The following LANCL2 variants were observed in gnomAD, a reference collection of about 807,000 sequenced individuals.
LANCL2 encodes lanC-like protein 2.
In LANCL2, 33 loss-of-function variants were observed where a neutral mutation model predicts 56.9. The ratio of observed to expected loss-of-function variants is 0.58; its 90% CI spans 0.44 to 0.78. LANCL2 has a LOEUF of 0.78. Among genes scored for constraint, LANCL2 ranks in the 30% least tolerant of loss-of-function variants. The pLI is 0.00. For synonymous variants in LANCL2, 233 were observed against 228.2 expected (o/e 1.02, Z -0.19); for missense variants, 562 against 580.2 (o/e 0.97, Z 0.32).
At position 55,398,497 on chromosome 7, in the gene LANCL2, G is replaced by C. The variant is rs367767912; in HGVS notation, c.397G>C (p.Val133Leu). Residue 133 changes from valine (V) to leucine (L), a missense_variant, in exon 3 of 9, where the codon GTA becomes CTA. Transcript: ENST00000254770. Reference sequence around the variant, plus strand: ...CTACCTGCTCCGATCCCTGGATTACGTAAAAAGAACACTTCGGAATCTGAA... The same window carrying C: ...CTACCTGCTCCGATCCCTGGATTACCTAAAAAGAACACTTCGGAATCTGAA... ...QTYLLRSLDY[V>L]KRTLRNLNGR... is the part of the protein sequence containing the mutation. The C allele has an allele frequency of 6.2e-7, 1 of 1,614,174 alleles. No homozygotes were observed. Among genetic ancestry groups the C allele is most frequent in the Admixed American group, 1.7e-5 (1 of 60,028 alleles).
At chr7:55,373,212 T>C (rs1235344614) in intron 1 of LANCL2, among the ~76,000 whole-genome samples, 7 of 152,090 alleles carry the variant, frequency 4.6e-5, no homozygotes, top group African/African-American at 1.4e-4. Context: ...TTAACTTTAC[T>C]GCTTTCTGAG....
At chr7:55,377,001 A>G (rs1790010771) in intron 1 of LANCL2, among the ~76,000 whole-genome samples, 1 of 152,216 alleles carries the variant, frequency 6.6e-6, no homozygotes, top group Non-Finnish European at 1.5e-5. Context: ...ATCATATATG[A>G]AGTTGTTAAT....
chr7:55,409,715 A>ACTCC (rs1357752902), intron 5 of LANCL2, among the ~76,000 whole-genome samples: 7 of 152,192 alleles, frequency 4.6e-5, no homozygotes, highest in Non-Finnish European at 8.8e-5. Context: ...GCCTCCAGGG[A>ACTCC]AAGCAAAGTC....
intron 6 of LANCL2, among the ~76,000 whole-genome samples, chr7:55,422,215 G>A (rs1436161623): frequency 6.6e-6 from 1 of 152,174 alleles, no homozygotes; most frequent in Non-Finnish European, 1.5e-5. Flanking sequence ...TATAGGTTTA[G>A]TGACAACAAA....
Position 55,432,858 on chromosome 7 carries a change from G to T in LANCL2, c.*1538G>T, listed in dbSNP as rs994867654. On this transcript the variant is annotated 3_prime_UTR_variant, in exon 9 of 9. Transcript: ENST00000254770. The stretch of plus-strand genomic sequence containing the variant: ...GTTAGATTGATGACTTCTGTGAATA[G>T]AAATCATCCTGATCCTATTTTACCT... 3 of 152,204 alleles carry T rather than the reference G, an allele frequency of 2.0e-5. No homozygotes were observed. The highest frequency in any genetic ancestry group is 4.4e-5 in the Non-Finnish European group (3 of 68,042). 9.4% of individuals were successfully genotyped at this position (152,204 alleles called of 1,614,324 possible). A position where few individuals can be genotyped will look rare whatever the true frequency, so the allele number is the denominator to read the frequency against.
intron 2 of LANCL2, among the ~76,000 whole-genome samples, chr7:55,392,873 G>C (rs770606257): frequency 2.0e-5 from 3 of 152,082 alleles, no homozygotes; most frequent in Non-Finnish European, 4.4e-5. Context: ...ATTCTTTGCT[G>C]CTCTGGTCAT....
At chr7:55,400,278 T>A (rs966957620) in intron 4 of LANCL2, among the ~76,000 whole-genome samples, 174 bp downstream of exon 4, 2 of 152,226 alleles carry the variant, frequency 1.3e-5, no homozygotes, top group African/African-American at 4.8e-5. Flanking sequence ...AAAAAAAATC[T>A]GTACTCTCTT....
rs555855339 is a variant in LANCL2, at chr7:55,374,379, A to G, written c.204+8150A>G. Among the ~76,000 whole-genome samples the G allele has an allele frequency of 6.6e-4, 100 of 152,320 alleles. 2 individuals carry two copies. The highest frequency in any genetic ancestry group is 4.8e-3 in the South Asian group (23 of 4,822). Reference sequence around the variant, plus strand: ...AACAGAAGCAGACCAGATTATGTAAATCTATGACTATTTTTAGCAGAATGA... The same window carrying G: ...AACAGAAGCAGACCAGATTATGTAAGTCTATGACTATTTTTAGCAGAATGA... On this transcript the variant is annotated intron_variant, in intron 1 of 8. Transcript: ENST00000254770.
rs1263892012 is a variant in LANCL2, at chr7:55,401,946, TAC to T, written c.825+630_825+631del. On this transcript the variant is annotated intron_variant, in intron 5 of 8. Transcript: ENST00000254770. ...AAAGTCTCCCATGTCTACCTCTTTC[TAC>T]ACAGACATGGCAACCATCCGATTTC... 2.2e-5 allele frequency among the ~76,000 whole-genome samples: 3 copies of T among 136,712 alleles called. No individual in the cohort carries two copies. The East Asian group carries it at 6.4e-4, about 29-fold the overall frequency. 89.7% of individuals were successfully genotyped at this position (136,712 alleles called of 152,430 possible). A position where few individuals can be genotyped will look rare whatever the true frequency, so the allele number is the denominator to read the frequency against.
chr7:55,417,360 T>C (rs1267978210), intron 6 of LANCL2, among the ~76,000 whole-genome samples: 1 of 152,314 alleles, frequency 6.6e-6, no homozygotes, highest in African/African-American at 2.4e-5. Context: ...TCCCATTTGA[T>C]TGATTTTGGT....
chr7:55,377,455 C>T (rs1790016091), intron 1 of LANCL2, among the ~76,000 whole-genome samples: 1 of 152,078 alleles, frequency 6.6e-6, no homozygotes, highest in South Asian at 2.1e-4. Context: ...CTTTCTGTCT[C>T]CTTCCCCTAT....
intron 6 of LANCL2, among the ~76,000 whole-genome samples, chr7:55,413,249 C>A (rs1158364805): frequency 6.6e-6 from 1 of 152,182 alleles, no homozygotes; most frequent in Admixed American, 6.5e-5. Context: ...GTTATAACTT[C>A]AGTGTCCTAG....
chr7:55,404,555 G>T (rs1445255749), intron 5 of LANCL2, among the ~76,000 whole-genome samples: 8 of 151,954 alleles, frequency 5.3e-5, no homozygotes, highest in African/African-American at 1.9e-4. Context: ...TTTGTTTATT[G>T]TTGTTGAAAG....
At chr7:55,419,295 C>A (rs1228004670) in intron 6 of LANCL2, among the ~76,000 whole-genome samples, 1 of 147,442 alleles carries the variant, frequency 6.8e-6, no homozygotes, top group Non-Finnish European at 1.5e-5. Flanking sequence ...AATATGTTTT[C>A]TCATTTTATC....
intron 6 of LANCL2, among the ~76,000 whole-genome samples, chr7:55,422,951 A>G (rs1251754098): frequency 1.3e-5 from 2 of 152,222 alleles, no homozygotes; most frequent in Non-Finnish European, 1.5e-5. Flanking sequence ...GCGGTGGAAC[A>G]GGGACTCTAG....
At chr7:55,403,595 AGAGTCTCAC>A (rs1790369834) in intron 5 of LANCL2, among the ~76,000 whole-genome samples, 1 of 124,964 alleles carries the variant, frequency 8.0e-6, no homozygotes, top group African/African-American at 3.1e-5. Flanking sequence ...TTTTTGAGAC[AGAGTCTCAC>A]TCTGTCGCCC....
chr7:55,375,162 C>T (rs1789986639), intron 1 of LANCL2, among the ~76,000 whole-genome samples: 1 of 152,190 alleles, frequency 6.6e-6, no homozygotes, highest in African/African-American at 2.4e-5. Flanking sequence ...AGACTTTTCA[C>T]TCTCCTCTAT....
intron 6 of LANCL2, among the ~76,000 whole-genome samples, chr7:55,419,842 T>C (rs1330065018): frequency 6.6e-6 from 1 of 152,216 alleles, no homozygotes; most frequent in Non-Finnish European, 1.5e-5. Flanking sequence ...TTGATTTTTC[T>C]TCTTTTCTTT....
intron 7 of LANCL2, among the ~76,000 whole-genome samples, chr7:55,427,216 A>G (rs1031281237): frequency 3.2e-4 from 49 of 152,254 alleles, no homozygotes; most frequent in African/African-American, 1.1e-3. Flanking sequence ...GAAGCTTTCA[A>G]ATCATGCCTG....
Sources: gnomAD v4.1 joint callset for allele counts (sites outside exome capture counted in the v4.1 genomes callset) on GRCh38, gnomAD v4.1.1 for gene constraint, MANE v1.5 for transcripts, NCBI Gene and HGNC (gene_info 2026-07-23, HGNC 2026-07-21) for gene names.